IGF1R: variants seen among roughly 807,000 people sequenced by gnomAD.
IGF1R encodes the protein insulin-like growth factor 1 receptor.
IGF1R carries 44 observed loss-of-function variants against 144.6 expected under a neutral mutation model. That is an observed-to-expected ratio of 0.30 (90% CI 0.24 to 0.39). The LOEUF (loss-of-function observed/expected upper bound fraction) is 0.39, where lower values mean the gene tolerates loss of function less well. IGF1R is among the 10% of genes least tolerant of loss of function. IGF1R has a pLI of 1.00. For synonymous variants in IGF1R, 795 were observed against 722.8 expected, an observed-to-expected ratio of 1.10 and a Z score of -1.60; for missense variants, 1,355 against 1,833.7, an observed-to-expected ratio of 0.74 and a Z score of 4.77.
intron 2 of IGF1R, among the ~76,000 whole-genome samples, chr15:98,806,296 G>A (rs2056469441): frequency 6.6e-6 from 1 of 152,084 alleles, no homozygotes; most frequent in African/African-American, 2.4e-5. Flanking sequence ...AAGAAGGTGG[G>A]ACTCCAGCGG....
Position 98,962,978 on chromosome 15 carries a change from C to T in IGF1R, c.*5536C>T. On this transcript the variant is annotated 3_prime_UTR_variant, in exon 21 of 21. Coordinates refer to ENST00000650285, the MANE Select transcript of IGF1R (RefSeq NM_000875.5). ...CCCACGTGTGTGTGTCCGCATCTTTCTGGTCAACATTGTTTTAACTAGTCA... is the reference window on the plus strand; with the variant it reads ...CCCACGTGTGTGTGTCCGCATCTTTTTGGTCAACATTGTTTTAACTAGTCA... 1 of 233,736 alleles carries T rather than the reference C, an allele frequency of 4.3e-6. No homozygotes were observed. 14.5% of individuals were successfully genotyped at this position (233,736 alleles called of 1,614,324 possible). A position where few individuals can be genotyped will look rare whatever the true frequency, so the allele number is the denominator to read the frequency against.
intron 1 of IGF1R, among the ~76,000 whole-genome samples, chr15:98,664,214 A>T (rs1234026265): frequency 6.6e-6 from 1 of 152,152 alleles, no homozygotes; most frequent in East Asian, 1.9e-4. Context: ...TCTCGACTAG[A>T]AAGCAGGCCT....
chr15:98,936,099 C>T (rs575058650), intron 17 of IGF1R, among the ~76,000 whole-genome samples: 26 of 152,336 alleles, frequency 1.7e-4, no homozygotes, highest in Admixed American at 9.1e-4. Flanking sequence ...TCCCCTTCCC[C>T]GGCATTGTTG....
Position 98,891,585 on chromosome 15 carries a change from G to T in IGF1R, c.901G>T (p.Gly301Cys). 6.2e-7 allele frequency: 1 copy of T among 1,605,374 alleles called. No individual in the cohort carries two copies. The highest frequency in any genetic ancestry group is 2.2e-5 in the East Asian group (1 of 44,878). ...CTCCGAGGGGTTTGTGATCCACGAC[G>T]GCGAGTGCATGCAGGAGTGCCCCTC... ...SDSEGFVIHD[G>C]ECMQECPSGF... The change falls in exon 3 of 21, where the codon GGC (glycine) becomes TGC (cysteine). Residue 301 changes from glycine (G) to cysteine (C), a missense_variant. Gly to Cys is a radical substitution (Grantham distance 159). Coordinates refer to ENST00000650285, the MANE Select transcript of IGF1R (RefSeq NM_000875.5). The surrounding 1 kb of genome is among the most constrained non-coding windows in gnomAD (Gnocchi z 4.7).
chr15:98,745,821 C>T (rs995984886), intron 2 of IGF1R, among the ~76,000 whole-genome samples: 8 of 152,180 alleles, frequency 5.3e-5, no homozygotes, highest in Non-Finnish European at 1.0e-4. Flanking sequence ...GAGTGTAAAA[C>T]GGTACAACCT....
intron 1 of IGF1R, among the ~76,000 whole-genome samples, chr15:98,695,397 C>T (rs2053573190): frequency 6.6e-6 from 1 of 152,172 alleles, no homozygotes; most frequent in African/African-American, 2.4e-5. Flanking sequence ...TGTGAGAGAG[C>T]ACCTCTTCAA....
rs975617062 is a variant in IGF1R at position 98,950,851 on chromosome 15, T to C, written c.3722+2143T>C. Reference sequence around the variant, plus strand: ...TCTTGGGGGGCATCTTAGAATTCCATAGTCTCAGAAATCATTGTCCCTAAT... The same window carrying C: ...TCTTGGGGGGCATCTTAGAATTCCACAGTCTCAGAAATCATTGTCCCTAAT... On this transcript the variant is annotated intron_variant, in intron 20 of 20. Coordinates refer to ENST00000650285, the MANE Select transcript of IGF1R (RefSeq NM_000875.5). 1.1e-4 allele frequency among the ~76,000 whole-genome samples: 16 copies of C among 152,314 alleles called. 1 individual carries two copies. Among genetic ancestry groups the C allele is most frequent in the South Asian group, 4.1e-4 (2 of 4,822 alleles).
intron 1 of IGF1R, among the ~76,000 whole-genome samples, chr15:98,706,597 A>AG (rs964650231): frequency 6.6e-6 from 1 of 152,026 alleles, no homozygotes; most frequent in African/African-American, 2.4e-5. Flanking sequence ...GTTAAAAAAA[A>AG]AAAACAACCC....
intron 2 of IGF1R, among the ~76,000 whole-genome samples, chr15:98,759,451 C>T (rs1374632701): frequency 2.0e-5 from 3 of 152,202 alleles, no homozygotes; most frequent in Admixed American, 1.3e-4. Flanking sequence ...TGACTTGGTC[C>T]GACATTGAAG....
chr15:98,909,251 CTTTTTTTTTCTTTTTTTT>C (rs1268401347), intron 6 of IGF1R, among the ~76,000 whole-genome samples: 3 of 38,892 alleles, frequency 7.7e-5, no homozygotes, highest in African/African-American at 1.7e-4. Context: ...TCTTTTTTTT[CTTTTTTTTTCTTTTTTTT>C]TTTTTTTTTT....
rs1210365406 is a variant in IGF1R, at chr15:98,705,055, C to T, written c.95-2507C>T. On this transcript the variant is annotated intron_variant, in intron 1 of 20. Coordinates refer to ENST00000650285, the MANE Select transcript of IGF1R (RefSeq NM_000875.5). ...CTCAATGGATATACTCGGATGTATA[C>T]GTTAGAGCTCAAAAGAGTCTGGGCC... Among the ~76,000 whole-genome samples the T allele has an allele frequency of 5.9e-5, 9 of 151,578 alleles. No individual in the cohort carries two copies. In the South Asian group the frequency reaches 1.3e-3, roughly 21 times the overall value.
chr15:98,862,909 A>G (rs1365234881), intron 2 of IGF1R, among the ~76,000 whole-genome samples: 1 of 152,226 alleles, frequency 6.6e-6, no homozygotes, highest in Non-Finnish European at 1.5e-5. Flanking sequence ...AACATCTTAC[A>G]TAACCGTAAT....
At chr15:98,745,539 A>G (rs991263976) in intron 2 of IGF1R, among the ~76,000 whole-genome samples, 1 of 152,220 alleles carries the variant, frequency 6.6e-6, no homozygotes, top group African/African-American at 2.4e-5. Flanking sequence ...ACTGGCCTGA[A>G]TGGGGCCCTG....
At chr15:98,887,199 C>A (rs892423727) in intron 2 of IGF1R, among the ~76,000 whole-genome samples, 3 of 152,094 alleles carry the variant, frequency 2.0e-5, no homozygotes, top group African/African-American at 7.2e-5. Context: ...GCCTGTGTAT[C>A]GGTTGTGGCA....
chr15:98,931,896 A>G (rs2015956857), intron 15 of IGF1R, among the ~76,000 whole-genome samples: 1 of 152,222 alleles, frequency 6.6e-6, no homozygotes, highest in African/African-American at 2.4e-5. Context: ...TATGAATAAT[A>G]GCTTCTAAAA....
intron 5 of IGF1R, among the ~76,000 whole-genome samples, chr15:98,903,996 G>A (rs1044829158): frequency 3.9e-5 from 6 of 152,126 alleles, no homozygotes; most frequent in African/African-American, 1.4e-4. Flanking sequence ...CTGAGTAGTG[G>A]TGATGGTTGG....
At position 98,961,035 on chromosome 15, in the gene IGF1R, T is replaced by C. The variant is rs1237276742; in HGVS notation, c.*3593T>C. On this transcript the variant is annotated 3_prime_UTR_variant, in exon 21 of 21. Coordinates refer to ENST00000650285, the MANE Select transcript of IGF1R (RefSeq NM_000875.5). Reference sequence around the variant, plus strand: ...TCGCTGGGAAGTGTGGCGGGCAGCTTTGCCTAAGCGTGGATGGCTCCTCGG... The same window carrying C: ...TCGCTGGGAAGTGTGGCGGGCAGCTCTGCCTAAGCGTGGATGGCTCCTCGG... The C allele has an allele frequency of 1.3e-5, 3 of 233,586 alleles. No homozygotes were observed. The highest frequency in any genetic ancestry group is 6.6e-5 in the African/African-American group (3 of 45,348). The allele number at this position is 233,586 out of a possible 1,614,324, so 14.5% of individuals were successfully genotyped here.
intron 2 of IGF1R, among the ~76,000 whole-genome samples, chr15:98,743,831 G>A (rs2054803462): frequency 6.6e-6 from 1 of 152,208 alleles, no homozygotes; most frequent in Admixed American, 6.5e-5. Context: ...TGGACTAGTG[G>A]TGGAGATAAG....
chr15:98,891,251 G>T lies in IGF1R; in HGVS notation c.641-74G>T. On this transcript the variant is annotated intron_variant, in intron 2 of 20. Coordinates refer to ENST00000650285, the MANE Select transcript of IGF1R (RefSeq NM_000875.5). This position sits in a 1 kb window ranked among gnomAD's most constrained non-coding sequence, Gnocchi z 4.7. The stretch of plus-strand genomic sequence containing the variant: ...GTGGTAGCAGTGAATGACCCAGAAG[G>T]ATGCTGGCCAGGCCCAGAGAAGGCG... 7.1e-7 allele frequency: 1 copy of T among 1,408,692 alleles called. No homozygotes were observed. Among genetic ancestry groups the T allele is most frequent in the Non-Finnish European group, 9.8e-7 (1 of 1,017,828 alleles). 87.3% of individuals were successfully genotyped at this position (1,408,692 alleles called of 1,614,324 possible). A position where few individuals can be genotyped will look rare whatever the true frequency, so the allele number is the denominator to read the frequency against.
Sources: gnomAD v4.1 joint callset for allele counts (sites outside exome capture counted in the v4.1 genomes callset) on GRCh38, gnomAD v4.1.1 for gene constraint, Gnocchi (gnomAD v3.1) non-coding constraint, MANE v1.5 for transcripts, NCBI Gene and HGNC (gene_info 2026-07-23, HGNC 2026-07-21) for gene names.